FAM81A: variants seen among roughly 807,000 people sequenced by gnomAD.
FAM81A encodes family with sequence similarity 81 member A.
In FAM81A, 19 loss-of-function variants were observed where a neutral mutation model predicts 46.7. That is an observed-to-expected ratio of 0.41 (90% CI 0.28 to 0.60). The LOEUF is 0.60. Among genes scored for constraint, FAM81A ranks in the 20% least tolerant of loss-of-function variants. FAM81A has a pLI of 0.34. For synonymous variants in FAM81A, 183 were observed against 152.9 expected, an observed-to-expected ratio of 1.20 and a Z score of -1.45; for missense variants, 377 against 453.5, an observed-to-expected ratio of 0.83 and a Z score of 1.53.
intron 2 of FAM81A, among the ~76,000 whole-genome samples, chr15:59,428,821 G>A (rs1233599181): frequency 6.6e-6 from 1 of 151,870 alleles, no homozygotes; most frequent in Non-Finnish European, 1.5e-5. Flanking sequence ...AGTAGAGATG[G>A]GGTTTTGCCA....
rs139786313 is a variant in FAM81A at position 59,409,516 on chromosome 15, G to A, written c.-78+7158G>A. Among the ~76,000 whole-genome samples, 267 of 152,208 alleles carry A rather than the reference G, an allele frequency of 1.8e-3. 1 individual carries two copies. The highest frequency in any genetic ancestry group is 6.0e-4 in the Non-Finnish European group (41 of 68,020). On this transcript the variant is annotated intron_variant, in intron 2 of 4. Coordinates refer to the FAM81A transcript ENST00000558348. The stretch of plus-strand genomic sequence containing the variant: ...GTCTTTTCAAAGCTGGAGAGGTAGT[G>A]CCCAGACTCCTTGAAGAGGTCCCAG...
At chr15:59,470,699 A>T (rs138403420) in intron 3 of FAM81A, among the ~76,000 whole-genome samples, 215 of 152,254 alleles carry the variant, frequency 1.4e-3, no homozygotes, top group African/African-American at 5.1e-3. Context: ...TCTGAAGCCT[A>T]CTTCTGTCAA....
intron 1 of FAM81A, among the ~76,000 whole-genome samples, chr15:59,398,301 G>A (rs774821431): frequency 6.6e-6 from 1 of 152,192 alleles, no homozygotes; most frequent in African/African-American, 2.4e-5. Flanking sequence ...GTTTTCATAG[G>A]AATAAACACA....
intron 6 of FAM81A, among the ~76,000 whole-genome samples, chr15:59,511,721 G>A (rs749494924): frequency 2.6e-5 from 4 of 152,238 alleles, no homozygotes; most frequent in African/African-American, 4.8e-5. Flanking sequence ...GCTTGATCTC[G>A]GCTCACTGCA....
chr15:59,507,379 A>G (rs2082160855), intron 5 of FAM81A, 37 bp downstream of exon 5: 10 of 1,600,214 alleles, frequency 6.2e-6, no homozygotes, highest in Admixed American at 1.7e-5. Flanking sequence ...GAAGCGGGTA[A>G]TTTGTTCTTA....
chr15:59,502,209 T>G (rs1382355496), intron 4 of FAM81A, among the ~76,000 whole-genome samples: 1 of 151,534 alleles, frequency 6.6e-6, no homozygotes, highest in African/African-American at 2.4e-5. Context: ...TACTTTAAGT[T>G]TTAGGGTACA....
intron 4 of FAM81A, among the ~76,000 whole-genome samples, chr15:59,497,172 G>C (rs1351083193): frequency 2.6e-5 from 4 of 151,724 alleles, no homozygotes; most frequent in African/African-American, 9.7e-5. Context: ...ATCAGGCTAG[G>C]CATGGCGGCT....
intron 4 of FAM81A, among the ~76,000 whole-genome samples, chr15:59,494,731 T>G (rs868454760): frequency 3.9e-5 from 6 of 152,346 alleles, no homozygotes; most frequent in Non-Finnish European, 7.3e-5. Flanking sequence ...TTTCTTGTGT[T>G]GATTATGTAA....
At chr15:59,504,212 A>C (rs552910377) in intron 4 of FAM81A, among the ~76,000 whole-genome samples, 4 of 152,198 alleles carry the variant, frequency 2.6e-5, no homozygotes, top group Admixed American at 6.5e-5. Flanking sequence ...AAAATTATGA[A>C]CTCAAAATAA....
intron 3 of FAM81A, among the ~76,000 whole-genome samples, chr15:59,461,672 T>G (rs1280999193): frequency 1.3e-5 from 2 of 152,156 alleles, no homozygotes; most frequent in East Asian, 3.9e-4. Context: ...TATCCTAGCA[T>G]GTATCATATT....
Position 59,460,292 on chromosome 15 carries a change from T to TC in FAM81A, c.294+89dup. 2 of 1,536,616 alleles carry TC rather than the reference T, an allele frequency of 1.3e-6. No homozygotes were observed. Among genetic ancestry groups the TC allele is most frequent in the South Asian group, 1.1e-5 (1 of 88,966 alleles). ...AGGTCACCCACATCTAACTCCTACC[T>TC]CCCAGGCAGTACTGCATTTAGAACA... On this transcript the variant is annotated intron_variant, in intron 3 of 8. Transcript: ENST00000288228. This position sits in a 1 kb window ranked among gnomAD's most constrained non-coding sequence, Gnocchi z 4.4.
intron 3 of FAM81A, among the ~76,000 whole-genome samples, chr15:59,475,303 C>T (rs542872392): frequency 3.3e-5 from 5 of 152,110 alleles, no homozygotes; most frequent in South Asian, 4.2e-4. Flanking sequence ...CCACCACACC[C>T]GGCTGATTTT....
intron 3 of FAM81A, among the ~76,000 whole-genome samples, chr15:59,463,155 G>T (rs1467383640): frequency 2.6e-5 from 4 of 152,102 alleles, no homozygotes; most frequent in Non-Finnish European, 5.9e-5. Flanking sequence ...ATACACTTAG[G>T]TCTGTGAACC....
intron 2 of FAM81A, among the ~76,000 whole-genome samples, chr15:59,412,947 T>A (rs1453574644): frequency 6.6e-6 from 1 of 152,040 alleles, no homozygotes; most frequent in African/African-American, 2.4e-5. Context: ...AATCAAAAAT[T>A]AAAACGTAAG....
chr15:59,474,219 G>C (rs150121511), intron 3 of FAM81A, among the ~76,000 whole-genome samples: 2 of 152,224 alleles, frequency 1.3e-5, no homozygotes, highest in Admixed American at 1.3e-4. Flanking sequence ...TCTTTGCATT[G>C]TCTAGTACAA....
rs775909410 is a variant in FAM81A at position 59,458,625 on chromosome 15, A to T, written c.-2A>T. ...TCGTGTCACCAAGGAAAGGTATAAT[A>T]TATGGAAAATATGCATCTAAGGTAT... is the stretch of plus-strand genomic sequence containing the variant. On this transcript the variant is annotated 5_prime_UTR_variant, in exon 2 of 9. Transcript: ENST00000288228. 1.5e-5 allele frequency: 24 copies of T among 1,613,836 alleles called. No individual in the cohort carries two copies. The highest frequency in any genetic ancestry group is 1.6e-4 in the Middle Eastern group (1 of 6,084).
chr15:59,455,358 C>T (rs1188737714), intron 1 of FAM81A, among the ~76,000 whole-genome samples: 1 of 152,032 alleles, frequency 6.6e-6, no homozygotes, highest in Non-Finnish European at 1.5e-5. Flanking sequence ...GCATGAAACC[C>T]AGACCTGTGT....
intron 2 of FAM81A, among the ~76,000 whole-genome samples, chr15:59,412,793 G>T (rs1017007382): frequency 1.3e-5 from 2 of 151,988 alleles, no homozygotes; most frequent in African/African-American, 4.8e-5. Flanking sequence ...CTGTGGAGTG[G>T]CCCGAGGGAA....
chr15:59,494,937 T>A (rs1436317702), intron 4 of FAM81A, among the ~76,000 whole-genome samples: 1 of 152,172 alleles, frequency 6.6e-6, no homozygotes, highest in African/African-American at 2.4e-5. Context: ...AGATACACAT[T>A]TAGCTCATGT....
Sources: gnomAD v4.1 joint callset for allele counts (sites outside exome capture counted in the v4.1 genomes callset) on GRCh38, gnomAD v4.1.1 for gene constraint, Gnocchi (gnomAD v3.1) non-coding constraint, MANE v1.5 for transcripts, NCBI Gene and HGNC (gene_info 2026-07-23, HGNC 2026-07-21) for gene names.